PTPRT: variants seen among roughly 807,000 people sequenced by gnomAD.
PTPRT encodes the protein protein tyrosine phosphatase receptor type T.
A neutral mutation model predicts 176.8 loss-of-function variants in PTPRT; 56 were observed. That is an observed-to-expected ratio of 0.32 (90% CI 0.26 to 0.40). PTPRT has a LOEUF of 0.40. PTPRT is among the 10% of genes least tolerant of loss of function. The pLI, the probability that PTPRT is intolerant of heterozygous loss-of-function variation, is 1.00. For missense variants in PTPRT, 1,540 were observed against 1,908.2 expected (o/e 0.81, Z 3.60); for synonymous variants, 783 against 739.0 (o/e 1.06, Z -0.96).
chr20:42,357,743 T>C (rs1366888367), intron 9 of PTPRT, among the ~76,000 whole-genome samples: 3 of 151,828 alleles, frequency 2.0e-5, no homozygotes, highest in South Asian at 2.1e-4. Flanking sequence ...ACCCCATCTC[T>C]ACACCAATTT....
chr20:42,283,000 C>G (rs777444376), intron 12 of PTPRT, among the ~76,000 whole-genome samples: 1 of 152,134 alleles, frequency 6.6e-6, no homozygotes, highest in Non-Finnish European at 1.5e-5. Context: ...CTATATGAAA[C>G]ATGTCAAACT....
chr20:42,066,665 T>C, the PTPRT span, among the ~76,000 whole-genome samples: 2 of 152,230 alleles, frequency 1.3e-5, no homozygotes, highest in Non-Finnish European at 2.9e-5. Flanking sequence ...AAAACTTTCT[T>C]CTCTGATAGC....
At chr20:42,702,901 T>C (rs1452914433) in intron 6 of PTPRT, among the ~76,000 whole-genome samples, 2 of 152,206 alleles carry the variant, frequency 1.3e-5, no homozygotes, top group African/African-American at 2.4e-5. Flanking sequence ...CAAATTCAAT[T>C]CACAATTCTT....
the PTPRT span, among the ~76,000 whole-genome samples, chr20:42,057,885 G>A: frequency 6.6e-6 from 1 of 152,148 alleles, no homozygotes; most frequent in African/African-American, 2.4e-5. Context: ...CGCCCAGCCT[G>A]TCCTTACTTT....
chr20:43,075,397 T>G (rs1441292854), intron 1 of PTPRT, among the ~76,000 whole-genome samples: 1 of 152,274 alleles, frequency 6.6e-6, no homozygotes, highest in Non-Finnish European at 1.5e-5. Flanking sequence ...GAATGAGGCA[T>G]GCGCTGGCAC....
intron 7 of PTPRT, among the ~76,000 whole-genome samples, chr20:42,595,906 T>C (rs185328200): frequency 4.5e-4 from 68 of 152,262 alleles, no homozygotes; most frequent in African/African-American, 1.6e-3. Flanking sequence ...CCTGTCCAAG[T>C]GAATTTTTTC....
chr20:43,116,107 C>T (rs1283049964), intron 1 of PTPRT, among the ~76,000 whole-genome samples: 2 of 152,214 alleles, frequency 1.3e-5, no homozygotes, highest in African/African-American at 4.8e-5. Context: ...ACATACGAAT[C>T]TACTGAGCAG....
chr20:42,573,601 A>G (rs1196457316), intron 7 of PTPRT, among the ~76,000 whole-genome samples: 3 of 152,044 alleles, frequency 2.0e-5, no homozygotes, highest in Non-Finnish European at 4.4e-5. Context: ...ATTTCACCAG[A>G]TCCTGCTTGC....
chr20:42,484,207 T>A (rs2071431928), intron 7 of PTPRT, among the ~76,000 whole-genome samples: 1 of 151,584 alleles, frequency 6.6e-6, no homozygotes, highest in African/African-American at 2.4e-5. Flanking sequence ...GTTTTGGTAA[T>A]TTTTTTTTCC....
At chr20:42,707,895 T>C (rs1365691331) in intron 6 of PTPRT, among the ~76,000 whole-genome samples, 1 of 152,194 alleles carries the variant, frequency 6.6e-6, no homozygotes, top group Non-Finnish European at 1.5e-5. Context: ...ATTGAAGAGA[T>C]TCCAACCATG....
intron 9 of PTPRT, among the ~76,000 whole-genome samples, chr20:42,363,298 ATATTTTTTTT>A (rs1185916253): frequency 9.0e-5 from 2 of 22,280 alleles, no homozygotes; most frequent in Non-Finnish European, 1.5e-4. Flanking sequence ...ATATATATAT[ATATTTTTTTT>A]TTTTTTTTTT....
intron 2 of PTPRT, among the ~76,000 whole-genome samples, chr20:42,795,293 C>G (rs1218540805): frequency 6.6e-6 from 1 of 152,152 alleles, no homozygotes; most frequent in Non-Finnish European, 1.5e-5. Context: ...GAAGTACTCT[C>G]TGGCTGGCCA....
At chr20:42,498,811 T>G (rs1325586747) in intron 7 of PTPRT, among the ~76,000 whole-genome samples, 2 of 152,126 alleles carry the variant, frequency 1.3e-5, no homozygotes, top group East Asian at 1.9e-4. Flanking sequence ...AGGAAATCTT[T>G]GACTCCACCT....
chr20:42,810,849 A>G (rs2077687917), intron 2 of PTPRT, among the ~76,000 whole-genome samples: 1 of 152,224 alleles, frequency 6.6e-6, no homozygotes, highest in Non-Finnish European at 1.5e-5. Flanking sequence ...TTGCCCGTCC[A>G]ACCCGCCCCA....
At chr20:42,621,849 T>C (rs2074202787) in intron 7 of PTPRT, among the ~76,000 whole-genome samples, 1 of 152,174 alleles carries the variant, frequency 6.6e-6, no homozygotes. Flanking sequence ...ATGGGTGACC[T>C]ACATCCAATA....
Position 42,605,367 on chromosome 20 carries a change from C to A in PTPRT, c.1153+72499G>T, listed in dbSNP as rs917495505. Among the ~76,000 whole-genome samples the A allele has an allele frequency of 3.9e-5, 6 of 152,136 alleles. No homozygotes were observed. The South Asian group carries it at 1.2e-3, about 32-fold the overall frequency. ...GGCCTGGTAACACTGACATCCCAGGCTCAGTTCTGCTCATCAGTCCCTGAG... is the reference window on the plus strand; with the variant it reads ...GGCCTGGTAACACTGACATCCCAGGATCAGTTCTGCTCATCAGTCCCTGAG... On this transcript the variant is annotated intron_variant, in intron 7 of 30. Transcript: ENST00000373187.
intron 7 of PTPRT, among the ~76,000 whole-genome samples, chr20:42,585,910 A>C (rs1205385839): frequency 6.6e-6 from 1 of 152,200 alleles, no homozygotes; most frequent in African/African-American, 2.4e-5. Context: ...ATTGACATAT[A>C]TATATGTATG....
chr20:43,044,913 C>T (rs1568751314), intron 1 of PTPRT, among the ~76,000 whole-genome samples: 1 of 152,146 alleles, frequency 6.6e-6, no homozygotes, highest in Non-Finnish European at 1.5e-5. Flanking sequence ...ATTGGTATTC[C>T]ACTCTCCTAT....
At chr20:42,213,650 A>T (rs2055698951) in intron 15 of PTPRT, among the ~76,000 whole-genome samples, 1 of 152,164 alleles carries the variant, frequency 6.6e-6, no homozygotes, top group Non-Finnish European at 1.5e-5. Flanking sequence ...AGGAGAGGGA[A>T]ATTTGGACAG....
Sources: gnomAD v4.1 joint callset for allele counts (sites outside exome capture counted in the v4.1 genomes callset) on GRCh38, gnomAD v4.1.1 for gene constraint, MANE v1.5 for transcripts, NCBI Gene and HGNC (gene_info 2026-07-23, HGNC 2026-07-21) for gene names.